Variants in FAM193B observed in about 807,000 individuals in gnomAD.
The protein encoded by FAM193B is family with sequence similarity 193 member B.
A neutral mutation model predicts 70.7 loss-of-function variants in FAM193B; 27 were observed. The observed-to-expected ratio is 0.38, with a 90% CI of 0.28 to 0.53. The LOEUF (loss-of-function observed/expected upper bound fraction) is 0.53. FAM193B is among the 20% of genes least tolerant of loss of function. The probability of loss-of-function intolerance (pLI) is 0.81; values close to 1 mark genes in which losing one functional copy is unlikely to be tolerated. For synonymous variants in FAM193B, 448 were observed against 436.0 expected (o/e 1.03, Z -0.34); for missense variants, 1,022 against 1,072.5 (o/e 0.95, Z 0.66).
chr5:177,550,517 A>T (rs1766072502), intron 1 of FAM193B, among the ~76,000 whole-genome samples: 1 of 152,264 alleles, frequency 6.6e-6, no homozygotes, highest in African/African-American at 2.4e-5. Context: ...TCGGATCTCT[A>T]GAGTCCCTTT....
intron 7 of FAM193B, chr5:177,523,141 A>G: frequency 3.5e-6 from 1 of 284,026 alleles, no homozygotes; most frequent in South Asian, 2.7e-5. Flanking sequence ...CTGGGATTAT[A>G]AGCACGTGCC....
chr5:177,532,356 C>T lies in FAM193B; in HGVS notation c.1275+87G>A, dbSNP rs1166807731. On this transcript the variant is annotated intron_variant, in intron 5 of 8. Coordinates refer to ENST00000514747, the MANE Select transcript of FAM193B (RefSeq NM_001190946.3). The surrounding 1 kb of genome is among the most constrained non-coding windows in gnomAD (Gnocchi z 4.9). ...CCAGCACGGTAATTACCACCGTGAG[C>T]AACGGGGTCTCTGGGGAGAGCAGGG... 1 of 1,516,898 alleles carries T rather than the reference C, an allele frequency of 6.6e-7. No homozygotes were observed. Among genetic ancestry groups the T allele is most frequent in the Non-Finnish European group, 8.8e-7 (1 of 1,134,244 alleles). 94.0% of individuals were successfully genotyped at this position (1,516,898 alleles called of 1,614,324 possible).
chr5:177,528,899 C>T (rs1763035085), intron 5 of FAM193B, among the ~76,000 whole-genome samples: 1 of 152,132 alleles, frequency 6.6e-6, no homozygotes, highest in Non-Finnish European at 1.5e-5. Flanking sequence ...AAGGGAGAGC[C>T]AGGCTGGGGT....
At chr5:177,548,023 T>G (rs1018022314) in intron 1 of FAM193B, among the ~76,000 whole-genome samples, 1 of 152,204 alleles carries the variant, frequency 6.6e-6, no homozygotes, top group Non-Finnish European at 1.5e-5. Flanking sequence ...CCTTCTCTGC[T>G]TCTGCACATC....
chr5:177,536,465 G>T lies in FAM193B; in HGVS notation c.969C>A (p.Pro323=). Residue 323 remains proline, a synonymous_variant, in exon 4 of 9, where the codon CCC becomes CCA. Transcript: ENST00000514747. ...GGTGGCTGCACCCCGAGAATGGTGG[G>T]GGCATCTTCAGGAGCGGCATGCTGG... is the stretch of plus-strand genomic sequence containing the variant. ...PSTSMPLLKM[P]PPFSGCSHPC... 1 of 1,586,552 alleles carries T rather than the reference G, an allele frequency of 6.3e-7. No individual in the cohort carries two copies. The highest frequency in any genetic ancestry group is 2.3e-5 in the East Asian group (1 of 43,922).
intron 7 of FAM193B, 144 bp downstream of exon 7, chr5:177,523,813 A>G: frequency 1.2e-6 from 1 of 839,496 alleles, no homozygotes; most frequent in Non-Finnish European, 1.9e-6. Flanking sequence ...CTGGTGGGAG[A>G]GGGCCTGGGG....
chr5:177,542,750 C>G (rs1310048224), intron 1 of FAM193B, among the ~76,000 whole-genome samples: 3 of 152,362 alleles, frequency 2.0e-5, no homozygotes, highest in Admixed American at 2.0e-4. Context: ...CACTTCTCCT[C>G]TCCCATCTCC....
In FAM193B at chr5:177,532,540, CT is replaced by C. The variant is rs1763638738; in HGVS notation, c.1177del (p.Ser393AlafsTer45). On this transcript the variant is annotated frameshift_variant, in exon 5 of 9. Transcript: ENST00000514747. LOFTEE classifies it high-confidence loss of function. The surrounding 1 kb of genome is among the most constrained non-coding windows in gnomAD (Gnocchi z 4.9). ...GGTGCAGGAGCTTCGCTCAGAGCTG[CT>C]ATCCTCTTCCTCACCCAGCCCCTCA... is the stretch of plus-strand genomic sequence containing the variant. ...ADEGLGEEED[S>X]SSERSSCTSS... The C allele has an allele frequency of 6.2e-7, 1 of 1,606,702 alleles. No homozygotes were observed. Among genetic ancestry groups the C allele is most frequent in the African/African-American group, 1.3e-5 (1 of 74,780 alleles).
intron 1 of FAM193B, among the ~76,000 whole-genome samples, chr5:177,541,671 G>A (rs1200002961): frequency 2.0e-5 from 3 of 152,188 alleles, no homozygotes; most frequent in East Asian, 3.9e-4. Flanking sequence ...CGCCCGCCTC[G>A]GCCTCCCAAA....
chr5:177,547,903 G>A (rs913314578), intron 1 of FAM193B, among the ~76,000 whole-genome samples: 2 of 152,184 alleles, frequency 1.3e-5, no homozygotes, highest in Non-Finnish European at 2.9e-5. Flanking sequence ...CCATGCAGCT[G>A]CTGTGCTGGG....
chr5:177,553,636 G>A lies in FAM193B; in HGVS notation c.210+613C>T, dbSNP rs1248875528. ...TCAAGGTCGGGGTGGGCTGCCTTGCGGAGCAGGGGAGGGAAGAAGGGCAGG... is the reference window on the plus strand; with the variant it reads ...TCAAGGTCGGGGTGGGCTGCCTTGCAGAGCAGGGGAGGGAAGAAGGGCAGG... On this transcript the variant is annotated intron_variant, in intron 1 of 8. Coordinates refer to ENST00000514747, the MANE Select transcript of FAM193B (RefSeq NM_001190946.3). 8.8e-6 allele frequency: 11 copies of A among 1,255,064 alleles called. No individual in the cohort carries two copies. The East Asian group carries it at 4.7e-4, about 53-fold the overall frequency. 77.7% of individuals were successfully genotyped at this position (1,255,064 alleles called of 1,614,324 possible). A position where few individuals can be genotyped will look rare whatever the true frequency, so the allele number is the denominator to read the frequency against.
chr5:177,553,379 C>T, intron 1 of FAM193B: 4 of 1,001,898 alleles, frequency 4.0e-6, no homozygotes, highest in Non-Finnish European at 4.8e-6. Flanking sequence ...AAGACCAACT[C>T]AAAACTCTTT....
intron 5 of FAM193B, among the ~76,000 whole-genome samples, chr5:177,529,837 A>G (rs1308011310): frequency 2.6e-5 from 4 of 152,166 alleles, no homozygotes; most frequent in African/African-American, 9.7e-5. Context: ...ACTGCAGCCC[A>G]CTGAACCTTT....
chr5:177,522,118 C>T, intron 7 of FAM193B, 47 bp from the exon 8 acceptor site: 1 of 1,456,646 alleles, frequency 6.9e-7, no homozygotes, highest in Non-Finnish European at 9.6e-7. Flanking sequence ...GAGGTTCATT[C>T]TTTTGCTCAC....
chr5:177,549,357 T>C (rs1212930475), intron 1 of FAM193B, among the ~76,000 whole-genome samples: 2 of 152,038 alleles, frequency 1.3e-5, no homozygotes, highest in Non-Finnish European at 2.9e-5. Context: ...CATGCCCGGC[T>C]AATTTTTTTG....
Position 177,532,125 on chromosome 5 carries a change from C to T in FAM193B, c.1275+318G>A. 4 of 1,347,228 alleles carry T rather than the reference C, an allele frequency of 3.0e-6. No individual in the cohort carries two copies. Among genetic ancestry groups the T allele is most frequent in the Non-Finnish European group, 3.9e-6 (4 of 1,027,514 alleles). The allele number at this position is 1,347,228 out of a possible 1,614,324, so 83.5% of individuals were successfully genotyped here. A position where few individuals can be genotyped will look rare whatever the true frequency, so the allele number is the denominator to read the frequency against. ...TCTGCCTTCATCACTCCCAAGCGTT[C>T]ACTTCTCTGGGATTACACACGTATA... On this transcript the variant is annotated intron_variant, in intron 5 of 8. Coordinates refer to ENST00000514747, the MANE Select transcript of FAM193B (RefSeq NM_001190946.3). This position sits in a 1 kb window ranked among gnomAD's most constrained non-coding sequence, Gnocchi z 4.9.
rs745954943 is a variant in FAM193B, at chr5:177,531,390, C to T, written c.1275+1053G>A. On this transcript the variant is annotated intron_variant, in intron 5 of 8. Transcript: ENST00000514747. ...GCAGCTCATCCACATCTCGGTGGTC[C>T]ACGGCGGGCTCCCCAGGGATCCCGC... is the stretch of plus-strand genomic sequence containing the variant. The T allele has an allele frequency of 2.3e-6, 3 of 1,283,356 alleles. No individual in the cohort carries two copies. The South Asian group carries it at 3.7e-5, about 16-fold the overall frequency. The allele number at this position is 1,283,356 out of a possible 1,614,324, so 79.5% of individuals were successfully genotyped here.
intron 1 of FAM193B, chr5:177,553,305 C>G: frequency 2.0e-6 from 2 of 989,034 alleles, no homozygotes; most frequent in Non-Finnish European, 2.4e-6. Flanking sequence ...CATCCTCATC[C>G]GGCGCCGCAT....
intron 3 of FAM193B, 125 bp from the exon 4 acceptor site, chr5:177,536,870 A>C (rs1764239697): frequency 2.3e-6 from 3 of 1,277,142 alleles, no homozygotes; most frequent in Non-Finnish European, 1.1e-6. Context: ...AGCACAGGGG[A>C]CCCTGGAGCT....
Sources: gnomAD v4.1 joint callset for allele counts (sites outside exome capture counted in the v4.1 genomes callset) on GRCh38, gnomAD v4.1.1 for gene constraint, Gnocchi (gnomAD v3.1) non-coding constraint, MANE v1.5 for transcripts, NCBI Gene and HGNC (gene_info 2026-07-23, HGNC 2026-07-21) for gene names.